POU6F2: variants seen among roughly 807,000 people sequenced by gnomAD.
The protein encoded by POU6F2 is POU domain, class 6, transcription factor 2.
In POU6F2, 31 loss-of-function variants were observed where a neutral mutation model predicts 71.3. That is an observed-to-expected ratio of 0.43 (90% CI 0.33 to 0.59). The LOEUF (loss-of-function observed/expected upper bound fraction) is 0.59, where lower values mean the gene tolerates loss of function less well. Ranked by LOEUF, POU6F2 falls within the 20% of genes least tolerant of loss-of-function variation. The probability of loss-of-function intolerance (pLI) is 0.04; values close to 1 mark genes in which losing one functional copy is unlikely to be tolerated. For synonymous variants in POU6F2, 347 were observed against 355.7 expected (o/e 0.98, Z 0.27); for missense variants, 783 against 856.8 (o/e 0.91, Z 1.07).
In POU6F2 at chr7:39,363,796, GT is replaced by G. The variant is rs963945064; in HGVS notation, c.972+23785del. On this transcript the variant is annotated intron_variant, in intron 5 of 9. Coordinates refer to ENST00000518318, the MANE Select transcript of POU6F2 (RefSeq NM_001370959.1). The stretch of plus-strand genomic sequence containing the variant: ...AGAAATTTGAGAATTAACCATTGGA[GT>G]TTTCACCTGGAAATAAGTAGTGACC... 5.2e-4 allele frequency among the ~76,000 whole-genome samples: 79 copies of G among 152,180 alleles called. 1 individual carries two copies. The highest frequency in any genetic ancestry group is 1.8e-3 in the African/African-American group (74 of 41,510).
At chr7:39,378,935 C>A (rs914052194) in intron 5 of POU6F2, among the ~76,000 whole-genome samples, 13 of 152,126 alleles carry the variant, frequency 8.5e-5, no homozygotes, top group Admixed American at 2.0e-4. Context: ...GAGATTTTCC[C>A]TTGTGGGGAA....
At chr7:39,338,198 G>T (rs1446686481) in intron 4 of POU6F2, among the ~76,000 whole-genome samples, 1 of 152,160 alleles carries the variant, frequency 6.6e-6, no homozygotes, top group East Asian at 1.9e-4. Context: ...AGGCTCCCCT[G>T]CCCCAGGATC....
At chr7:39,317,969 G>T (rs142409961) in intron 4 of POU6F2, among the ~76,000 whole-genome samples, 1 of 152,028 alleles carries the variant, frequency 6.6e-6, no homozygotes, top group Non-Finnish European at 1.5e-5. Flanking sequence ...TAAAGACTTC[G>T]CCCTTCATTT....
chr7:39,061,568 T>G (rs1047784105), intron 1 of POU6F2, among the ~76,000 whole-genome samples: 2 of 152,220 alleles, frequency 1.3e-5, no homozygotes, highest in Non-Finnish European at 2.9e-5. Flanking sequence ...CTGTGTTTTA[T>G]AGCACTTCCA....
chr7:39,212,569 A>G (rs932954387), intron 4 of POU6F2, among the ~76,000 whole-genome samples: 1 of 152,046 alleles, frequency 6.6e-6, no homozygotes, highest in Non-Finnish European at 1.5e-5. Flanking sequence ...ACCATCCATC[A>G]TCAGCTACAC....
intron 1 of POU6F2, among the ~76,000 whole-genome samples, chr7:39,063,907 G>T (rs1790706108): frequency 6.6e-6 from 1 of 152,050 alleles, no homozygotes; most frequent in Non-Finnish European, 1.5e-5. Flanking sequence ...AACAAATTTA[G>T]TTAGTGAAGA....
At chr7:39,161,977 A>T (rs1793007643) in intron 2 of POU6F2, among the ~76,000 whole-genome samples, 2 of 152,118 alleles carry the variant, frequency 1.3e-5, no homozygotes, top group South Asian at 4.1e-4. Context: ...AAAATAAGGC[A>T]CTTGACCCAC....
chr7:39,062,755 T>TA (rs1302448347), intron 1 of POU6F2, among the ~76,000 whole-genome samples: 3 of 150,712 alleles, frequency 2.0e-5, no homozygotes, highest in African/African-American at 7.3e-5. Flanking sequence ...GAAAAAATAT[T>TA]AGAAGATACT....
At chr7:39,322,818 T>C (rs1785423595) in intron 4 of POU6F2, among the ~76,000 whole-genome samples, 1 of 152,252 alleles carries the variant, frequency 6.6e-6, no homozygotes, top group Non-Finnish European at 1.5e-5. Context: ...AAAATAAATC[T>C]ATACCATTCC....
chr7:39,214,075 G>A lies in POU6F2; in HGVS notation c.598+6455G>A, dbSNP rs536783061. Reference sequence around the variant, plus strand: ...TGAAAATGCAGTCCCTCAGAAAAGGGAATGCTTCTTTTCTTTCTGCTTCCA... The same window carrying A: ...TGAAAATGCAGTCCCTCAGAAAAGGAAATGCTTCTTTTCTTTCTGCTTCCA... On this transcript the variant is annotated intron_variant, in intron 4 of 9. Transcript: ENST00000518318. 3.3e-5 allele frequency among the ~76,000 whole-genome samples: 5 copies of A among 152,314 alleles called. No individual in the cohort carries two copies. The East Asian group carries it at 9.6e-4, about 29-fold the overall frequency.
intron 6 of POU6F2, among the ~76,000 whole-genome samples, chr7:39,418,963 A>ATGTGTATATATGTATATATG (rs1562544184): frequency 2.7e-5 from 2 of 75,348 alleles, no homozygotes; most frequent in African/African-American, 1.2e-4. Context: ...ATGTATATAT[A>ATGTGTATATATGTATATATG]TGTGTATATA....
At chr7:39,265,174 A>G (rs1430994274) in intron 4 of POU6F2, among the ~76,000 whole-genome samples, 2 of 152,100 alleles carry the variant, frequency 1.3e-5, no homozygotes, top group Non-Finnish European at 2.9e-5. Context: ...CCCTAGTAAA[A>G]ATTCTGGGAC....
chr7:39,085,939 A>G lies in POU6F2; in HGVS notation c.185A>G (p.Asp62Gly), dbSNP rs908040894. ...SEMNAELRGE[D>G]KAATSDSELN... ...ATGAATGCGGAGTTGAGAGGTGAGG[A>G]CAAGGCTGCTACTTCAGACAGCGAG... The change falls in exon 2 of 10, where the codon GAC becomes GGC. Residue 62 changes from aspartate (D) to glycine (G), a missense_variant. By Grantham distance (94) the Asp-to-Gly change is moderately conservative (BLOSUM62 -1). Coordinates refer to ENST00000518318, the MANE Select transcript of POU6F2 (RefSeq NM_001370959.1). 4.7e-5 allele frequency: 76 copies of G among 1,613,574 alleles called. No individual in the cohort carries two copies. The highest frequency in any genetic ancestry group is 6.3e-5 in the Non-Finnish European group (74 of 1,179,804).
chr7:39,027,126 A>G (rs1423272749), intron 1 of POU6F2, among the ~76,000 whole-genome samples: 2 of 152,200 alleles, frequency 1.3e-5, no homozygotes, highest in African/African-American at 4.8e-5. Flanking sequence ...AGAAAACAAT[A>G]TAAGTAAACT....
intron 5 of POU6F2, among the ~76,000 whole-genome samples, chr7:39,374,797 A>C (rs919968138): frequency 6.6e-6 from 1 of 152,212 alleles, no homozygotes; most frequent in African/African-American, 2.4e-5. Flanking sequence ...AGTCCCAAAC[A>C]GCGGAATATT....
chr7:39,400,933 G>A (rs1787288284), intron 5 of POU6F2, among the ~76,000 whole-genome samples: 1 of 152,140 alleles, frequency 6.6e-6, no homozygotes, highest in African/African-American at 2.4e-5. Flanking sequence ...CAATTTGAAG[G>A]GTGAGATAAA....
intron 6 of POU6F2, among the ~76,000 whole-genome samples, chr7:39,421,148 A>G (rs533332607): frequency 7.2e-5 from 11 of 152,290 alleles, no homozygotes; most frequent in African/African-American, 2.2e-4. Flanking sequence ...ATGCAATTTT[A>G]CGAGAAAAAC....
intron 1 of POU6F2, among the ~76,000 whole-genome samples, chr7:39,038,016 C>G (rs1459933859): frequency 6.6e-6 from 1 of 152,044 alleles, no homozygotes; most frequent in Non-Finnish European, 1.5e-5. Flanking sequence ...TCACTGGAAA[C>G]AGGTAATCTA....
intron 4 of POU6F2, among the ~76,000 whole-genome samples, chr7:39,286,014 G>C (rs916507264): frequency 1.3e-5 from 2 of 152,220 alleles, no homozygotes; most frequent in African/African-American, 4.8e-5. Flanking sequence ...AGGGTGAATA[G>C]GAGTCCATGA....
Sources: allele counts gnomAD v4.1 joint callset (sites outside exome capture counted in the v4.1 genomes callset), GRCh38; gene constraint gnomAD v4.1.1; transcripts MANE v1.5; gene names NCBI Gene and HGNC (gene_info 2026-07-23, HGNC 2026-07-21).